Variants in ITPRID1 observed in about 807,000 individuals in gnomAD.
The protein encoded by ITPRID1 is protein ITPRID1.
A neutral mutation model predicts 95.4 loss-of-function variants in ITPRID1; 96 were observed. That is an observed-to-expected ratio of 1.01 (90% CI 0.85 to 1.19). The LOEUF (loss-of-function observed/expected upper bound fraction) is 1.19. ITPRID1 is among the 50% of genes most tolerant of loss of function. The pLI is 0.00. For missense variants in ITPRID1, 1,339 were observed against 1,252.9 expected, an observed-to-expected ratio of 1.07 and a Z score of -1.04; for synonymous variants, 510 against 453.6, an observed-to-expected ratio of 1.12 and a Z score of -1.58.
At chr7:31,614,365 C>CA (rs1307109664) in intron 10 of ITPRID1, among the ~76,000 whole-genome samples, 19 of 152,016 alleles carry the variant, frequency 1.2e-4, no homozygotes, top group Admixed American at 1.2e-3. Context: ...AACTTTAGCT[C>CA]AATAACTTGT....
At chr7:31,588,500 G>C (rs974873729) in intron 10 of ITPRID1, among the ~76,000 whole-genome samples, 15 of 151,542 alleles carry the variant, frequency 9.9e-5, no homozygotes, top group Non-Finnish European at 2.1e-4. Flanking sequence ...GCATGGTGGT[G>C]GGTGCCTGTA....
intron 1 of ITPRID1, among the ~76,000 whole-genome samples, chr7:31,519,616 CTCTCTATATA>C (rs1336269609): frequency 4.9e-4 from 19 of 38,480 alleles, no homozygotes; most frequent in East Asian, 3.6e-3. Flanking sequence ...CTCTCTCTCT[CTCTCTATATA>C]TATATATATA....
Position 31,652,718 on chromosome 7 carries a change from C to G in ITPRID1, c.3024C>G (p.Thr1008=), listed in dbSNP as rs200065011. The G allele has an allele frequency of 6.2e-7, 1 of 1,613,950 alleles. No homozygotes were observed. The change falls in exon 15 of 15, where the codon ACC becomes ACG. Residue 1008 remains threonine, a synonymous_variant. Transcript: ENST00000615280. ...AGTTGGCTGCCTTCACTCCACCCACCTTGGAGAACAGCACCAGGATGTCTC... is the reference window on the plus strand; with the variant it reads ...AGTTGGCTGCCTTCACTCCACCCACGTTGGAGAACAGCACCAGGATGTCTC... The part of the protein sequence containing the change: ...GTQLAAFTPP[T]LENSTRMSPS...
intron 1 of ITPRID1, among the ~76,000 whole-genome samples, chr7:31,519,606 CTCTCTCTCTCTCTCTATATATA>C (rs1783157062): frequency 1.8e-5 from 1 of 56,840 alleles, no homozygotes; most frequent in Non-Finnish European, 3.5e-5. Context: ...CTCTCTCTCT[CTCTCTCTCTCTCTCTATATATA>C]TATATATATA....
chr7:31,638,535 A>G (rs1789703110), intron 10 of ITPRID1, among the ~76,000 whole-genome samples: 1 of 152,202 alleles, frequency 6.6e-6, no homozygotes, highest in South Asian at 2.1e-4. Context: ...TAAATAGTCA[A>G]TTATCTTTTT....
chr7:31,642,681 G>A lies in ITPRID1; in HGVS notation c.1312-1G>A, dbSNP rs199670462. On this transcript the variant is annotated splice_acceptor_variant, in intron 11 of 14. Transcript: ENST00000615280. LOFTEE classifies it high-confidence loss of function. ...TCCCTTTGTCCTGGTTTCCCCTACA[G>A]ATGCCTTCCTTGCCAAACAGCCAGA... 121 of 1,612,784 alleles carry A rather than the reference G, an allele frequency of 7.5e-5. 1 individual carries two copies. In the African/African-American group the frequency reaches 1.5e-3, roughly 20 times the overall value.
chr7:31,572,994 T>C (rs1785045169), intron 7 of ITPRID1, among the ~76,000 whole-genome samples: 1 of 152,194 alleles, frequency 6.6e-6, no homozygotes, highest in Non-Finnish European at 1.5e-5. Flanking sequence ...TTCATGCAAC[T>C]TTAGATTTCT....
chr7:31,570,818 T>C (rs755697533), intron 6 of ITPRID1, among the ~76,000 whole-genome samples: 2 of 152,032 alleles, frequency 1.3e-5, no homozygotes, highest in Non-Finnish European at 2.9e-5. Flanking sequence ...AAATAAGGTG[T>C]GGCCCTCAAA....
intron 10 of ITPRID1, among the ~76,000 whole-genome samples, chr7:31,623,557 C>T (rs1583623164): frequency 6.6e-6 from 1 of 151,588 alleles, no homozygotes; most frequent in East Asian, 1.9e-4. Flanking sequence ...TTCAACAACC[C>T]TTCATACTAA....
At chr7:31,540,914 A>G (rs1783913686) in intron 1 of ITPRID1, among the ~76,000 whole-genome samples, 2 of 152,236 alleles carry the variant, frequency 1.3e-5, no homozygotes, top group South Asian at 4.1e-4. Context: ...TCATAAGTGA[A>G]GTTTGATTCC....
chr7:31,549,452 AAC>A lies in ITPRID1; in HGVS notation c.-65_-64del, dbSNP rs1784209403. ...TCCTGACAGGATAAGGACAAGAAGC[AAC>A]ACACAGAAGAGAAGGAAAAAGAAAG... On this transcript the variant is annotated 5_prime_UTR_variant, in exon 2 of 15. Transcript: ENST00000615280. 2.6e-6 allele frequency: 4 copies of A among 1,516,940 alleles called. No individual in the cohort carries two copies. The highest frequency in any genetic ancestry group is 3.5e-6 in the Non-Finnish European group (4 of 1,139,570). The allele number at this position is 1,516,940 out of a possible 1,614,324, so 94.0% of individuals were successfully genotyped here. A position where few individuals can be genotyped will look rare whatever the true frequency, so the allele number is the denominator to read the frequency against.
chr7:31,620,291 G>A (rs563579356), intron 10 of ITPRID1, among the ~76,000 whole-genome samples: 128 of 152,140 alleles, frequency 8.4e-4, no homozygotes, highest in Middle Eastern at 6.8e-3. Context: ...ATCTGAGAAC[G>A]GGCAGACTGC....
chr7:31,593,922 T>C (rs1785967650), intron 10 of ITPRID1, among the ~76,000 whole-genome samples: 1 of 152,300 alleles, frequency 6.6e-6, no homozygotes, highest in Middle Eastern at 3.4e-3. Flanking sequence ...CTCTGAGACA[T>C]AGAGTTGTTA....
At chr7:31,604,248 G>T (rs1786519891) in intron 10 of ITPRID1, among the ~76,000 whole-genome samples, 5 of 152,166 alleles carry the variant, frequency 3.3e-5, no homozygotes, top group Admixed American at 2.0e-4. Context: ...AACCACCATG[G>T]GAGCAAGTGG....
intron 8 of ITPRID1, among the ~76,000 whole-genome samples, chr7:31,575,039 G>A (rs1785131936): frequency 6.6e-6 from 1 of 152,186 alleles, no homozygotes; most frequent in Non-Finnish European, 1.5e-5. Flanking sequence ...ATGATACTCA[G>A]CTCTTACATC....
At chr7:31,562,693 G>A (rs1436757767) in intron 5 of ITPRID1, among the ~76,000 whole-genome samples, 1 of 152,104 alleles carries the variant, frequency 6.6e-6, no homozygotes, top group Admixed American at 6.6e-5. Context: ...AACTGTCCAG[G>A]ATCATTATAA....
rs1791284625 is a variant in ITPRID1 at position 31,655,961 on chromosome 7, C to T, written c.*3132C>T. ...CCTGCTCATCCCTCAGATGAATCTC[C>T]AATTCTATTCCCCTAAACCACCTCC... On this transcript the variant is annotated 3_prime_UTR_variant, in exon 15 of 15. Coordinates refer to ENST00000615280, the MANE Select transcript of ITPRID1 (RefSeq NM_001257967.3). 3.0e-6 allele frequency: 3 copies of T among 985,296 alleles called. No homozygotes were observed. The Admixed American group carries it at 1.8e-4, about 61-fold the overall frequency. The allele number at this position is 985,296 out of a possible 1,614,324, so 61.0% of individuals were successfully genotyped here.
At chr7:31,521,207 ATGC>A (rs1383730896) in intron 1 of ITPRID1, among the ~76,000 whole-genome samples, 2 of 152,060 alleles carry the variant, frequency 1.3e-5, no homozygotes, top group African/African-American at 2.4e-5. Flanking sequence ...TATGCATTTA[ATGC>A]TATAACTTTC....
At chr7:31,579,709 A>T (rs887712789) in intron 9 of ITPRID1, among the ~76,000 whole-genome samples, 2 of 152,194 alleles carry the variant, frequency 1.3e-5, no homozygotes, top group Non-Finnish European at 2.9e-5. Flanking sequence ...TCCCACAAAG[A>T]TATAAAAATT....
Sources: allele counts gnomAD v4.1 joint callset (sites outside exome capture counted in the v4.1 genomes callset), GRCh38; gene constraint gnomAD v4.1.1; transcripts MANE v1.5; gene names NCBI Gene and HGNC (gene_info 2026-07-23, HGNC 2026-07-21).